GABRB3: variants seen among roughly 807,000 people sequenced by gnomAD.
GABRB3 encodes gamma-aminobutyric acid type A receptor subunit beta3.
Under a neutral mutation model 52.1 loss-of-function variants are expected in GABRB3, and 14 were observed. The ratio of observed to expected loss-of-function variants is 0.27; its 90% CI spans 0.18 to 0.42. The LOEUF is 0.42. GABRB3 is among the 10% of genes least tolerant of loss of function. The pLI is 1.00. For synonymous variants in GABRB3, 260 were observed against 232.3 expected, an observed-to-expected ratio of 1.12 and a Z score of -1.08; for missense variants, 307 against 609.1, an observed-to-expected ratio of 0.50 and a Z score of 5.22.
At chr15:26,578,644 GC>G (rs1178993065) in intron 6 of GABRB3, among the ~76,000 whole-genome samples, 2 of 152,186 alleles carry the variant, frequency 1.3e-5, no homozygotes, top group Non-Finnish European at 2.9e-5. Context: ...TTCTAATGAG[GC>G]TGCATGAAAA....
chr15:26,709,794 G>A (rs1889236165), intron 3 of GABRB3, among the ~76,000 whole-genome samples: 1 of 152,018 alleles, frequency 6.6e-6, no homozygotes, highest in African/African-American at 2.4e-5. Context: ...TGGGATTACA[G>A]GCGTGAGCCA....
At chr15:26,571,984 T>C in intron 6 of GABRB3, among the ~76,000 whole-genome samples, 1 of 145,658 alleles carries the variant, frequency 6.9e-6, no homozygotes, top group East Asian at 2.0e-4. Context: ...AGGCGGAGGT[T>C]GCAGTGAGCC....
chr15:26,772,626 G>GGCC (rs1419764552), intron 2 of GABRB3, 55 bp downstream of exon 2: 27 of 1,480,986 alleles, frequency 1.8e-5, no homozygotes, highest in Admixed American at 4.4e-5. Context: ...CCTCCGCCCA[G>GGCC]GCCGCCGCCG....
chr15:26,674,064 C>A (rs936398438), intron 3 of GABRB3, among the ~76,000 whole-genome samples: 26 of 151,714 alleles, frequency 1.7e-4, no homozygotes, highest in African/African-American at 5.3e-4. Flanking sequence ...TTTAACCCCC[C>A]CCTTTTTTTT....
At chr15:26,678,861 A>G (rs1158184407) in intron 3 of GABRB3, among the ~76,000 whole-genome samples, 2 of 152,152 alleles carry the variant, frequency 1.3e-5, no homozygotes, top group Non-Finnish European at 2.9e-5. Context: ...AGTTCAGTTC[A>G]AGAATCAGAG....
At chr15:26,575,822 G>T (rs2140719308) in intron 6 of GABRB3, among the ~76,000 whole-genome samples, 1 of 152,244 alleles carries the variant, frequency 6.6e-6, no homozygotes, top group Admixed American at 6.5e-5. Context: ...CTTAGCCAAA[G>T]TATTTTGAAA....
At chr15:26,566,980 T>C (rs2140694955) in intron 7 of GABRB3, among the ~76,000 whole-genome samples, 1 of 152,346 alleles carries the variant, frequency 6.6e-6, no homozygotes, top group East Asian at 1.9e-4. Flanking sequence ...ATTAATCAGC[T>C]GAATAGAGAA....
chr15:26,665,932 T>A (rs576053103), intron 3 of GABRB3, among the ~76,000 whole-genome samples: 1 of 152,342 alleles, frequency 6.6e-6, no homozygotes, highest in South Asian at 2.1e-4. Flanking sequence ...AAATGGCACG[T>A]GTGGTAAGCC....
chr15:26,734,909 C>T (rs1214315045), intron 3 of GABRB3, among the ~76,000 whole-genome samples: 16 of 152,064 alleles, frequency 1.1e-4, no homozygotes, highest in Non-Finnish European at 1.0e-4. Context: ...CAGCAAGAAC[C>T]AGTCAAAACA....
rs368193507 is a variant in GABRB3, at chr15:26,772,697, T to A, written c.156A>T (p.Leu52=). Reference sequence around the variant, plus strand: ...CCCACTTACCCCCGAAGTCGGGTCTTAGGCGAATGTCGTAGCCTTTCAACA... The same window carrying A: ...CCCACTTACCCCCGAAGTCGGGTCTAAGGCGAATGTCGTAGCCTTTCAACA... ...DKLLKGYDIR[L]RPDFGGPPVC... Residue 52 remains leucine, a synonymous_variant, in exon 2 of 9, where the codon CTA becomes CTT. Transcript: ENST00000311550. The A allele has an allele frequency of 2.4e-5, 38 of 1,576,332 alleles. No individual in the cohort carries two copies. Among genetic ancestry groups the A allele is most frequent in the Middle Eastern group, 1.7e-4 (1 of 5,940 alleles).
At chr15:26,666,885 GCT>G (rs1887730180) in intron 3 of GABRB3, among the ~76,000 whole-genome samples, 1 of 152,154 alleles carries the variant, frequency 6.6e-6, no homozygotes, top group Non-Finnish European at 1.5e-5. Context: ...AAGGATCAGG[GCT>G]CTCTGTTTCC....
At chr15:26,624,428 TC>T in intron 3 of GABRB3, 6 of 985,454 alleles carry the variant, frequency 6.1e-6, no homozygotes, top group Non-Finnish European at 7.2e-6. Context: ...TCAGAGTCCC[TC>T]CGGATGGGCT....
Position 26,554,127 on chromosome 15 carries a change from GTA to G in GABRB3, c.1081-5995_1081-5994del, listed in dbSNP as rs1177122496. ...GTGTGTATATATATAAAGTGTGTGT[GTA>G]TATATATATATAAAGTATATATATA... On this transcript the variant is annotated intron_variant, in intron 8 of 8. Transcript: ENST00000311550. Among the ~76,000 whole-genome samples, 73 of 22,580 alleles carry G rather than the reference GTA, an allele frequency of 3.2e-3. 7 individuals are homozygous for G. The highest frequency in any genetic ancestry group is 7.1e-3 in the African/African-American group (32 of 4,512). The allele number at this position is 22,580 out of a possible 152,430, so 14.8% of individuals were successfully genotyped here.
chr15:26,769,399 T>G (rs1177089674), intron 3 of GABRB3, among the ~76,000 whole-genome samples: 1 of 152,160 alleles, frequency 6.6e-6, no homozygotes, highest in Non-Finnish European at 1.5e-5. Flanking sequence ...TTGGCCAAAA[T>G]AGTCATCTTA....
chr15:26,604,674 T>C lies in GABRB3; in HGVS notation c.461+16640A>G, dbSNP rs1213467005. ...ATGATATACACTGGAAAAGAGGCAG[T>C]CTCTTCAATGTATGGTCCTGGGAAA... On this transcript the variant is annotated intron_variant, in intron 4 of 8. Coordinates refer to ENST00000311550, the MANE Select transcript of GABRB3 (RefSeq NM_000814.6). Among the ~76,000 whole-genome samples, 3 of 152,048 alleles carry C rather than the reference T, an allele frequency of 2.0e-5. No homozygotes were observed. In the East Asian group the frequency reaches 5.8e-4, roughly 29 times the overall value.
intron 3 of GABRB3, among the ~76,000 whole-genome samples, chr15:26,695,896 C>G (rs1241389315): frequency 6.6e-6 from 1 of 152,170 alleles, no homozygotes; most frequent in East Asian, 1.9e-4. Context: ...GAAACTGTAT[C>G]TTCAGGCATG....
chr15:26,556,859 A>G (rs1889772097), intron 8 of GABRB3, among the ~76,000 whole-genome samples: 1 of 152,166 alleles, frequency 6.6e-6, no homozygotes, highest in Non-Finnish European at 1.5e-5. Flanking sequence ...CAGGACACAG[A>G]AAGTGGTCTC....
chr15:26,616,743 A>C (rs1235492833), intron 4 of GABRB3, among the ~76,000 whole-genome samples: 1 of 152,184 alleles, frequency 6.6e-6, no homozygotes, highest in Non-Finnish European at 1.5e-5. Context: ...TTATTATTAC[A>C]TTATTATTTA....
At chr15:26,659,731 T>C (rs952370743) in intron 3 of GABRB3, among the ~76,000 whole-genome samples, 1 of 151,750 alleles carries the variant, frequency 6.6e-6, no homozygotes, top group African/African-American at 2.4e-5. Flanking sequence ...AAGAAAGGAG[T>C]AGTTTATTAG....
Sources: allele counts gnomAD v4.1 joint callset (sites outside exome capture counted in the v4.1 genomes callset), GRCh38; gene constraint gnomAD v4.1.1; transcripts MANE v1.5; gene names NCBI Gene and HGNC (gene_info 2026-07-23, HGNC 2026-07-21).